The following LNX1 variants were observed in gnomAD, a reference collection of about 807,000 sequenced individuals.
The protein encoded by LNX1 is E3 ubiquitin-protein ligase LNX.
LNX1 carries 54 observed loss-of-function variants against 68.4 expected under a neutral mutation model. That is an observed-to-expected ratio of 0.79 (90% CI 0.63 to 0.99). The LOEUF (loss-of-function observed/expected upper bound fraction) is 0.99, where lower values mean the gene tolerates loss of function less well. Among genes scored for constraint, LNX1 ranks in the 50% least tolerant of loss-of-function variants. LNX1 has a pLI of 0.00. For missense variants in LNX1, 906 were observed against 926.4 expected, an observed-to-expected ratio of 0.98 and a Z score of 0.29; for synonymous variants, 336 against 350.0, an observed-to-expected ratio of 0.96 and a Z score of 0.45.
chr4:53,580,850 T>A (rs897385103), intron 1 of LNX1, among the ~76,000 whole-genome samples: 4 of 152,198 alleles, frequency 2.6e-5, no homozygotes, highest in Admixed American at 1.3e-4. Context: ...TTTACTTTGA[T>A]AAATCTCATT....
chr4:53,485,898 A>G (rs1009977087), intron 6 of LNX1, among the ~76,000 whole-genome samples: 5 of 152,232 alleles, frequency 3.3e-5, no homozygotes, highest in African/African-American at 4.8e-5. Flanking sequence ...TGGATACAGC[A>G]GAGCTGTCAT....
At chr4:53,570,795 AG>A (rs1479798930) in intron 2 of LNX1, among the ~76,000 whole-genome samples, 2 of 151,152 alleles carry the variant, frequency 1.3e-5, no homozygotes, top group Non-Finnish European at 3.0e-5. Flanking sequence ...TGGGAGGCTG[AG>A]GCGGGCGGAT....
intron 2 of LNX1, among the ~76,000 whole-genome samples, chr4:53,606,727 A>G (rs1225732144): frequency 6.6e-6 from 1 of 152,208 alleles, no homozygotes. Context: ...GGCAAACTGA[A>G]TCTAGCAGCA....
chr4:53,481,153 C>G (rs569139957), intron 7 of LNX1, among the ~76,000 whole-genome samples: 18 of 152,250 alleles, frequency 1.2e-4, no homozygotes, highest in African/African-American at 4.3e-4. Flanking sequence ...GAATGAATTC[C>G]ACCCACAGAT....
chr4:53,647,283 A>AAC (rs1170323631), intron 1 of LNX1, among the ~76,000 whole-genome samples: 9 of 152,218 alleles, frequency 5.9e-5, no homozygotes, highest in Admixed American at 3.3e-4. Context: ...TGCATACACA[A>AAC]ACACACACAC....
chr4:53,469,308 G>A (rs1268779753), intron 9 of LNX1, among the ~76,000 whole-genome samples: 4 of 152,024 alleles, frequency 2.6e-5, no homozygotes, highest in African/African-American at 7.2e-5. Flanking sequence ...CAAAGACACA[G>A]CGTACCAGAA....
At chr4:53,492,493 C>T (rs1249499911) in intron 6 of LNX1, among the ~76,000 whole-genome samples, 1 of 69,884 alleles carries the variant, frequency 1.4e-5, no homozygotes, top group Non-Finnish European at 3.4e-5. Context: ...TCTCAGGAGG[C>T]CTCAGAGGGC....
At chr4:53,519,231 T>C (rs1727024487) in intron 2 of LNX1, among the ~76,000 whole-genome samples, 1 of 152,184 alleles carries the variant, frequency 6.6e-6, no homozygotes, top group South Asian at 2.1e-4. Context: ...CTCCAGGTGA[T>C]TTATTTCATC....
At chr4:53,497,786 T>C (rs1725177576) in intron 5 of LNX1, among the ~76,000 whole-genome samples, 1 of 152,260 alleles carries the variant, frequency 6.6e-6, no homozygotes, top group African/African-American at 2.4e-5. Flanking sequence ...CCAGCAGGAA[T>C]TTCAGTATTT....
At chr4:53,623,150 G>A (rs571922619) in intron 1 of LNX1, among the ~76,000 whole-genome samples, 32 of 151,980 alleles carry the variant, frequency 2.1e-4, no homozygotes, top group African/African-American at 7.7e-4. Flanking sequence ...ACTATATGTG[G>A]GCTAACATCT....
intron 6 of LNX1, among the ~76,000 whole-genome samples, chr4:53,495,508 T>G (rs1202195853): frequency 1.3e-5 from 2 of 151,014 alleles, no homozygotes; most frequent in Admixed American, 6.7e-5. Context: ...AGACTAAGAC[T>G]TACTCTGTCC....
At chr4:53,482,071 A>G (rs1194896803) in intron 6 of LNX1, among the ~76,000 whole-genome samples, 41 of 152,238 alleles carry the variant, frequency 2.7e-4, no homozygotes, top group Non-Finnish European at 1.5e-5. Context: ...ATGTTGCTCC[A>G]AGGGAAAACT....
intron 1 of LNX1, among the ~76,000 whole-genome samples, chr4:53,623,949 A>G (rs2572297): frequency 0.36 from 54,295 of 152,068 alleles, 9,856 homozygotes; most frequent in Admixed American, 0.4. Context: ...AACTTGCATC[A>G]AAAGATCTGT....
At chr4:53,541,112 G>T (rs1195686749) in intron 2 of LNX1, among the ~76,000 whole-genome samples, 1 of 150,814 alleles carries the variant, frequency 6.6e-6, no homozygotes, top group African/African-American at 2.4e-5. Context: ...ACTCCAGCCT[G>T]GGTGACAGAG....
At chr4:53,561,905 G>T (rs1220907486) in intron 2 of LNX1, among the ~76,000 whole-genome samples, 2 of 151,416 alleles carry the variant, frequency 1.3e-5, no homozygotes, top group Non-Finnish European at 2.9e-5. Context: ...AAACCTGAAC[G>T]TTCTGTACGT....
chr4:53,478,451 TG>T, intron 8 of LNX1, 113 bp downstream of exon 8: 1 of 924,626 alleles, frequency 1.1e-6, no homozygotes, highest in Non-Finnish European at 1.6e-6. Context: ...ACAAAAGTCC[TG>T]GCCGATCACT....
At chr4:53,566,757 T>G (rs1465822473) in intron 2 of LNX1, among the ~76,000 whole-genome samples, 2 of 151,146 alleles carry the variant, frequency 1.3e-5, no homozygotes, top group African/African-American at 4.9e-5. Context: ...GAAACCCATC[T>G]CATGTGCAGA....
upstream of LNX1, among the ~76,000 whole-genome samples, chr4:53,621,655 C>G (rs766164672): frequency 6.6e-6 from 1 of 152,156 alleles, no homozygotes; most frequent in African/African-American, 2.4e-5. Flanking sequence ...GACAATCAGA[C>G]AGAAATTTAA....
intron 6 of LNX1, among the ~76,000 whole-genome samples, chr4:53,486,555 C>A (rs1218880857): frequency 2.0e-5 from 3 of 152,168 alleles, no homozygotes; most frequent in African/African-American, 7.2e-5. Context: ...GGTTCCTGCC[C>A]TCCCGGAATG....
Sources: gnomAD v4.1 joint callset for allele counts (sites outside exome capture counted in the v4.1 genomes callset) on GRCh38, gnomAD v4.1.1 for gene constraint, MANE v1.5 for transcripts, NCBI Gene and HGNC (gene_info 2026-07-23, HGNC 2026-07-21) for gene names.